NCOA7: variants seen among roughly 807,000 people sequenced by gnomAD.
The protein encoded by NCOA7 is 140 kDa estrogen receptor-associated protein.
A neutral mutation model predicts 104.3 loss-of-function variants in NCOA7; 45 were observed. The ratio of observed to expected loss-of-function variants is 0.43; its 90% confidence interval spans 0.34 to 0.55. NCOA7 has a LOEUF of 0.55. NCOA7 is among the 20% of genes least tolerant of loss of function. The pLI is 0.02. For missense variants in NCOA7, 1,041 were observed against 1,119.7 expected (o/e 0.93, Z 1.00); for synonymous variants, 398 against 402.3 (o/e 0.99, Z 0.13).
chr6:125,919,247 G>A (rs779839689), intron 11 of NCOA7: 270 of 1,605,458 alleles, frequency 1.7e-4, no homozygotes, highest in Non-Finnish European at 2.2e-4. Context: ...ACTAGATACT[G>A]AGAAAACAGT....
upstream of NCOA7, among the ~76,000 whole-genome samples, chr6:125,788,789 G>A (rs559498750): frequency 1.3e-4 from 20 of 148,830 alleles, no homozygotes; most frequent in South Asian, 8.5e-4. Flanking sequence ...TGATCCGCCC[G>A]CCTCGGCCTC....
At position 125,841,735 on chromosome 6, in the gene NCOA7, C is replaced by CA. The variant is rs1419092302; in HGVS notation, c.51-13285_51-13284insA. ...AGAGTAGGTACTACCAGTCTACCAC[C>CA]CCAGAAATTCTGTTTTTGAGCAACA... is the stretch of plus-strand genomic sequence containing the variant. On this transcript the variant is annotated intron_variant, in intron 2 of 15. Transcript: ENST00000392477. Among the ~76,000 whole-genome samples, 4 of 152,026 alleles carry CA rather than the reference C, an allele frequency of 2.6e-5. No homozygotes were observed. The East Asian group carries it at 7.7e-4, about 29-fold the overall frequency.
chr6:125,797,286 A>G (rs1775429130), intron 1 of NCOA7, among the ~76,000 whole-genome samples: 1 of 152,192 alleles, frequency 6.6e-6, no homozygotes, highest in African/African-American at 2.4e-5. Flanking sequence ...TGAATGAAAT[A>G]CTTTTAATTC....
chr6:125,781,880 C>T (rs547563186), intron 1 of NCOA7, among the ~76,000 whole-genome samples: 4 of 152,244 alleles, frequency 2.6e-5, no homozygotes, highest in South Asian at 2.1e-4. Context: ...TTTTTGGTTT[C>T]GAAACATGTC....
upstream of NCOA7, among the ~76,000 whole-genome samples, chr6:125,786,910 A>G (rs201805328): frequency 1.1e-4 from 16 of 152,238 alleles, no homozygotes; most frequent in East Asian, 2.5e-3. Context: ...ACTTTGGCAG[A>G]CTGAGGCAGA....
chr6:125,784,513 G>A (rs925538980), intron 1 of NCOA7, among the ~76,000 whole-genome samples: 1 of 152,204 alleles, frequency 6.6e-6, no homozygotes, highest in Non-Finnish European at 1.5e-5. Flanking sequence ...CTTACCATAT[G>A]ACTCAGCAAA....
At chr6:125,912,773 T>G (rs750236700) in intron 10 of NCOA7, among the ~76,000 whole-genome samples, 11 of 152,214 alleles carry the variant, frequency 7.2e-5, no homozygotes, top group Non-Finnish European at 1.2e-4. Flanking sequence ...TGCCTCAGTT[T>G]CCCTCCCAAC....
At chr6:125,927,823 A>G in intron 14 of NCOA7, 65 bp downstream of exon 14, 1 of 1,309,460 alleles carries the variant, frequency 7.6e-7, no homozygotes, top group African/African-American at 1.4e-5. Context: ...GGAAGGGGAT[A>G]GGCATTGGGG....
Position 125,928,906 on chromosome 6 carries a change from G to A in NCOA7, c.*135G>A. Reference sequence around the variant, plus strand: ...GCTTCCTTTCTGCCATCATCTCAGAGCATGATCACATTGCAGAAAGATTCT... The same window carrying A: ...GCTTCCTTTCTGCCATCATCTCAGAACATGATCACATTGCAGAAAGATTCT... On this transcript the variant is annotated 3_prime_UTR_variant, in exon 16 of 16. Coordinates refer to ENST00000392477, the MANE Select transcript of NCOA7 (RefSeq NM_181782.5). The A allele has an allele frequency of 1.1e-6, 1 of 930,114 alleles. No homozygotes were observed. Among genetic ancestry groups the A allele is most frequent in the Non-Finnish European group, 1.6e-6 (1 of 638,820 alleles). 57.6% of individuals were successfully genotyped at this position (930,114 alleles called of 1,614,324 possible).
chr6:125,807,544 G>T (rs894347310), intron 1 of NCOA7, among the ~76,000 whole-genome samples: 1 of 152,046 alleles, frequency 6.6e-6, no homozygotes, highest in Non-Finnish European at 1.5e-5. Context: ...AAACTGTACC[G>T]CTCTCATTTC....
At position 125,805,866 on chromosome 6, in the gene NCOA7, T is replaced by C. The variant is rs139958095; in HGVS notation, c.-64-9425T>C. Among the ~76,000 whole-genome samples the C allele has an allele frequency of 2.2e-4, 34 of 152,362 alleles. No individual in the cohort carries two copies. In the East Asian group the frequency reaches 6.0e-3, roughly 27 times the overall value. ...TTGGATGCATGGAAATCTCAATGGA[T>C]AGAATTTTCTGTTCCATGGGGCACC... On this transcript the variant is annotated intron_variant, in intron 1 of 15. Transcript: ENST00000392477.
intron 2 of NCOA7, among the ~76,000 whole-genome samples, chr6:125,836,785 AC>A (rs1425951475): frequency 6.6e-6 from 1 of 152,244 alleles, no homozygotes; most frequent in East Asian, 1.9e-4. Flanking sequence ...CCTTTTATCA[AC>A]AACTACTAAA....
At chr6:125,858,945 T>G (rs1288303022) in intron 3 of NCOA7, among the ~76,000 whole-genome samples, 1 of 152,158 alleles carries the variant, frequency 6.6e-6, no homozygotes, top group East Asian at 1.9e-4. Context: ...CTGCTGCTTT[T>G]GGTGGCTCTA....
chr6:125,786,573 CTT>C (rs148199881), upstream of NCOA7, among the ~76,000 whole-genome samples: 3,307 of 120,966 alleles, frequency 0.027, 64 homozygotes, highest in African/African-American at 0.086. Context: ...TAATCATTGT[CTT>C]TTTTTTTTTT....
Position 125,928,698 on chromosome 6 carries a change from C to A in NCOA7, c.2756C>A (p.Thr919Asn), listed in dbSNP as rs764734248. Reference sequence around the variant, plus strand: ...CACGGACGAAGCAACTCTTGCAGCACTTTCAATAATGATATTCTTTCCAAA... The same window carrying A: ...CACGGACGAAGCAACTCTTGCAGCAATTTCAATAATGATATTCTTTCCAAA... ...LYHGRSNSCS[T>N]FNNDILSKKE... Residue 919 changes from threonine (T) to asparagine (N), a missense_variant, in exon 16 of 16, where the codon ACT becomes AAT. Thr to Asn is a moderately conservative substitution (Grantham distance 65, BLOSUM62 0). Around this residue, in one of 2 missense-constraint regions of NCOA7, gnomAD observed 127 missense variants for 177.0 expected, o/e 0.72. Transcript: ENST00000392477. The A allele has an allele frequency of 6.2e-7, 1 of 1,613,134 alleles. No individual in the cohort carries two copies. The highest frequency in any genetic ancestry group is 8.5e-7 in the Non-Finnish European group (1 of 1,179,786).
At chr6:125,815,646 C>T (rs1777519301) in intron 2 of NCOA7, among the ~76,000 whole-genome samples, 1 of 152,226 alleles carries the variant, frequency 6.6e-6, no homozygotes, top group Non-Finnish European at 1.5e-5. Context: ...GCGAATCCAG[C>T]TGTCATGCTC....
intron 3 of NCOA7, among the ~76,000 whole-genome samples, chr6:125,872,364 G>A (rs72969779): frequency 8.3e-4 from 127 of 152,326 alleles, no homozygotes; most frequent in Non-Finnish European, 1.5e-3. Flanking sequence ...ATGGAAGGGC[G>A]TTGGCCAGAA....
chr6:125,901,547 C>T (rs113720563), intron 10 of NCOA7, among the ~76,000 whole-genome samples: 50 of 152,260 alleles, frequency 3.3e-4, no homozygotes, highest in Non-Finnish European at 4.7e-4. Context: ...GGAGCTGGGG[C>T]GGGTGCCTTT....
chr6:125,786,145 T>A (rs1212692463), upstream of NCOA7: 1 of 152,226 alleles, frequency 6.6e-6, no homozygotes, highest in Non-Finnish European at 1.5e-5. Flanking sequence ...AGTTGCAGGA[T>A]GGCTACTCGT....
Sources: gnomAD v4.1 joint callset for allele counts (sites outside exome capture counted in the v4.1 genomes callset) on GRCh38, gnomAD v4.1.1 for gene constraint, gnomAD v4.1.1 regional missense constraint, MANE v1.5 for transcripts, NCBI Gene and HGNC (gene_info 2026-07-23, HGNC 2026-07-21) for gene names.